The following DLC1 variants were observed in gnomAD, a reference collection of about 807,000 sequenced individuals.
DLC1 encodes the protein rho GTPase-activating protein 7.
Under a neutral mutation model 140.3 loss-of-function variants are expected in DLC1, and 54 were observed. The observed-to-expected ratio is 0.38, with a 90% CI of 0.31 to 0.48. DLC1 has a LOEUF of 0.48. Among genes scored for constraint, DLC1 ranks in the 20% least tolerant of loss-of-function variants. DLC1 has a pLI of 0.96. For missense variants in DLC1, 2,536 were observed against 1,907.0 expected, an observed-to-expected ratio of 1.33 and a Z score of -6.14; for synonymous variants, 986 against 728.1, an observed-to-expected ratio of 1.35 and a Z score of -5.70.
chr8:13,356,559 T>G (rs1367053976), intron 4 of DLC1, among the ~76,000 whole-genome samples: 1 of 152,254 alleles, frequency 6.6e-6, no homozygotes, highest in Non-Finnish European at 1.5e-5. Flanking sequence ...CCTTTCTTTC[T>G]GTCTCCTTAG....
At chr8:13,573,496 T>A in intron 1 of DLC1, among the ~76,000 whole-genome samples, 1 of 152,190 alleles carries the variant, frequency 6.6e-6, no homozygotes. Context: ...CTATATTGAA[T>A]AGAAGGTGTG....
At chr8:13,420,568 A>G (rs1838270621) in intron 2 of DLC1, among the ~76,000 whole-genome samples, 1 of 151,880 alleles carries the variant, frequency 6.6e-6, no homozygotes, top group Non-Finnish European at 1.5e-5. Flanking sequence ...TAACCCCCTC[A>G]ACCCCTGACA....
intron 5 of DLC1, chr8:13,214,691 A>C (rs538937129): frequency 2.2e-5 from 17 of 780,910 alleles, no homozygotes; most frequent in Middle Eastern, 2.3e-4. Flanking sequence ...TAAGGAGACA[A>C]ACCAATTGCC....
upstream of DLC1, chr8:13,514,860 G>T: frequency 2.6e-6 from 1 of 386,374 alleles, no homozygotes; most frequent in Non-Finnish European, 4.6e-6. Context: ...CTGAGGTTTT[G>T]CAAAAGGGGC....
Position 13,092,725 on chromosome 8 carries a change from G to C in DLC1, c.3627C>G (p.Ser1209Arg), listed in dbSNP as rs142586910. Residue 1209 changes from serine (S) to arginine (R), a missense_variant, in exon 13 of 18, where the codon AGC becomes AGG. Coordinates refer to ENST00000276297, the MANE Select transcript of DLC1 (RefSeq NM_182643.3). ...EVLQTLLYFL[S>R]DVTAAVKENQ... The stretch of plus-strand genomic sequence containing the variant: ...TTTCTTTTACGGCTGCTGTGACATC[G>C]CTCAGGAAATAAAGCAGGGTCTGCA... 3 of 1,613,996 alleles carry C rather than the reference G, an allele frequency of 1.9e-6. No homozygotes were observed. The highest frequency in any genetic ancestry group is 3.3e-5 in the Admixed American group (2 of 60,000).
chr8:13,138,206 T>C (rs2128968396), intron 5 of DLC1, among the ~76,000 whole-genome samples: 1 of 152,318 alleles, frequency 6.6e-6, no homozygotes, highest in East Asian at 1.9e-4. Context: ...CCTAGTGGGA[T>C]GTTGAGAACT....
chr8:13,537,276 A>G (rs1206133991), intron 1 of DLC1, among the ~76,000 whole-genome samples: 1 of 152,200 alleles, frequency 6.6e-6, no homozygotes, highest in Non-Finnish European at 1.5e-5. Context: ...AGTTGTGTTC[A>G]GGTTCTGCCA....
In DLC1 at chr8:13,084,912, G is replaced by A. The variant is rs543182910; in HGVS notation, c.*899C>T. ...GTGTTGATGCTTGATTTAAGAGTAA[G>A]TGTTATCGTGTTCAGTTTTTATATC... On this transcript the variant is annotated 3_prime_UTR_variant, in exon 18 of 18. Transcript: ENST00000276297. The A allele has an allele frequency of 5.3e-5, 8 of 152,318 alleles. No individual in the cohort carries two copies. The highest frequency in any genetic ancestry group is 1.9e-4 in the African/African-American group (8 of 41,564). The allele number at this position is 152,318 out of a possible 1,614,324, so 9.4% of individuals were successfully genotyped here.
chr8:13,379,211 T>A (rs1836139089), intron 4 of DLC1, among the ~76,000 whole-genome samples: 2 of 152,270 alleles, frequency 1.3e-5, no homozygotes, highest in African/African-American at 4.8e-5. Context: ...TGCTGAAAAG[T>A]CAGAATTTGT....
intron 4 of DLC1, among the ~76,000 whole-genome samples, chr8:13,318,774 C>A (rs1316300946): frequency 3.9e-5 from 6 of 152,198 alleles, no homozygotes; most frequent in African/African-American, 1.4e-4. Flanking sequence ...ACACATTTTC[C>A]CTTTCTACAT....
intron 4 of DLC1, among the ~76,000 whole-genome samples, chr8:13,310,889 A>C (rs538870998): frequency 6.6e-6 from 1 of 152,294 alleles, no homozygotes; most frequent in African/African-American, 2.4e-5. Flanking sequence ...CCCAATCTTC[A>C]GTTCTTCAAA....
chr8:13,196,867 A>C (rs1485981671), intron 5 of DLC1, among the ~76,000 whole-genome samples: 5 of 152,218 alleles, frequency 3.3e-5, no homozygotes, highest in Non-Finnish European at 7.3e-5. Flanking sequence ...ATGGAGCTAC[A>C]GTGGGGTGTG....
chr8:13,525,827 G>C (rs1802905187), intron 1 of DLC1, among the ~76,000 whole-genome samples: 1 of 152,028 alleles, frequency 6.6e-6, no homozygotes, highest in African/African-American at 2.4e-5. Context: ...TTTGATAAAT[G>C]AAATAACTCT....
intron 5 of DLC1, among the ~76,000 whole-genome samples, chr8:13,204,376 C>A (rs1490108492): frequency 6.6e-6 from 1 of 152,120 alleles, no homozygotes; most frequent in East Asian, 1.9e-4. Flanking sequence ...GTAATGAGAA[C>A]CGCTATCATA....
chr8:13,206,000 C>A (rs139057387), intron 5 of DLC1, among the ~76,000 whole-genome samples: 1 of 152,176 alleles, frequency 6.6e-6, no homozygotes, highest in Non-Finnish European at 1.5e-5. Flanking sequence ...TAGCCCCTTA[C>A]TCTTTTTCAA....
intron 7 of DLC1, among the ~76,000 whole-genome samples, chr8:13,104,555 C>G (rs1204152239): frequency 2.0e-5 from 3 of 152,172 alleles, no homozygotes; most frequent in Non-Finnish European, 4.4e-5. Flanking sequence ...CTGCTATCAC[C>G]AGTTTTCTAG....
At chr8:13,129,284 G>C (rs1821880597) in intron 5 of DLC1, among the ~76,000 whole-genome samples, 1 of 152,216 alleles carries the variant, frequency 6.6e-6, no homozygotes, top group African/African-American at 2.4e-5. Context: ...CACAGAGTCA[G>C]AAATAGAGAC....
chr8:13,353,914 C>A (rs1834799151), intron 4 of DLC1, among the ~76,000 whole-genome samples: 1 of 151,806 alleles, frequency 6.6e-6, no homozygotes, highest in African/African-American at 2.4e-5. Context: ...CACTATGAGT[C>A]AATGGCATAG....
At chr8:13,553,006 G>A (rs1803915483) in intron 1 of DLC1, among the ~76,000 whole-genome samples, 1 of 151,142 alleles carries the variant, frequency 6.6e-6, no homozygotes, top group African/African-American at 2.4e-5. Flanking sequence ...ACAGAATTAG[G>A]AATAGGAATA....
Sources: gnomAD v4.1 joint callset for allele counts (sites outside exome capture counted in the v4.1 genomes callset) on GRCh38, gnomAD v4.1.1 for gene constraint, MANE v1.5 for transcripts, NCBI Gene and HGNC (gene_info 2026-07-23, HGNC 2026-07-21) for gene names.